The following SYNE1 variants were observed in gnomAD, a reference collection of about 807,000 sequenced individuals.
The protein encoded by SYNE1 is spectrin repeat containing nuclear envelope protein 1, also known as nesprin-1.
Under a neutral mutation model 1,111.0 loss-of-function variants are expected in SYNE1, and 616 were observed. That is an observed-to-expected ratio of 0.55 (90% CI 0.52 to 0.59). The LOEUF (loss-of-function observed/expected upper bound fraction) is 0.59. SYNE1 is among the 20% of genes least tolerant of loss of function. The pLI, the probability that SYNE1 is intolerant of heterozygous loss-of-function variation, is 0.00. For synonymous variants in SYNE1, 3,855 were observed against 3,825.8 expected, an observed-to-expected ratio of 1.01 and a Z score of -0.28; for missense variants, 10,006 against 10,417.0, an observed-to-expected ratio of 0.96 and a Z score of 1.72.
In SYNE1 at chr6:152,387,140, C is replaced by T. The variant is rs1395844338; in HGVS notation, c.8419G>A (p.Glu2807Lys). 2 of 1,614,190 alleles carry T rather than the reference C, an allele frequency of 1.2e-6. No individual in the cohort carries two copies. The highest frequency in any genetic ancestry group is 1.7e-6 in the Non-Finnish European group (2 of 1,180,020). Residue 2807 changes from glutamate to lysine, a missense_variant, in exon 54 of 146, where the codon GAG (glutamate) becomes AAG (lysine). Transcript: ENST00000367255. ...SRELYEKTED[E>K]SFKDTAQEEL... ...TCTTGAGCTGTGTCCTTGAAAGACTCATCCTCTGTCTTTTCGTAGAGCTCC... is the reference window on the plus strand; with the variant it reads ...TCTTGAGCTGTGTCCTTGAAAGACTTATCCTCTGTCTTTTCGTAGAGCTCC...
intron 115 of SYNE1, among the ~76,000 whole-genome samples, chr6:152,228,683 C>T (rs1040427654): frequency 2.6e-5 from 4 of 152,146 alleles, no homozygotes; most frequent in African/African-American, 4.8e-5. Flanking sequence ...AATTCTAATA[C>T]GCAGAATTAC....
chr6:152,246,191 G>A (rs2087082330), intron 105 of SYNE1, among the ~76,000 whole-genome samples: 1 of 152,144 alleles, frequency 6.6e-6, no homozygotes. Context: ...TTCCCTTTCA[G>A]CTGTTTAGTC....
chr6:152,436,745 A>G (rs1025724372), intron 32 of SYNE1, among the ~76,000 whole-genome samples: 15 of 152,314 alleles, frequency 9.8e-5, no homozygotes, highest in African/African-American at 3.6e-4. Context: ...TTTATTCACA[A>G]ATATGCTTAC....
At chr6:152,283,822 A>G (rs1745493770) in intron 96 of SYNE1, among the ~76,000 whole-genome samples, 156 bp downstream of exon 96, 1 of 151,842 alleles carries the variant, frequency 6.6e-6, no homozygotes, top group African/African-American at 2.4e-5. Context: ...GGTGTGAACC[A>G]CCCCTCCCGG....
At chr6:152,162,591 C>A (rs1370078070) in intron 131 of SYNE1, among the ~76,000 whole-genome samples, 1 of 152,144 alleles carries the variant, frequency 6.6e-6, no homozygotes, top group Non-Finnish European at 1.5e-5. Flanking sequence ...CAACCAGGAT[C>A]CCTACAATTC....
In SYNE1 at chr6:152,409,652, T is replaced by A. The variant is rs2154170171; in HGVS notation, c.6288A>T (p.Ser2096=). The A allele has an allele frequency of 6.2e-7, 1 of 1,613,912 alleles. No homozygotes were observed. The part of the protein sequence containing the change: ...DLMREYQNLK[S]AVSKVLENAS... ...CATTTTCTAAGACTTTAGATACAGC[T>A]GATTTCAGGTTCTGATATTCTCTCA... Residue 2096 remains serine (S), a synonymous_variant, in exon 43 of 146, where the codon TCA becomes TCT. Transcript: ENST00000367255.
At chr6:152,486,236 T>A (rs572135933) in intron 12 of SYNE1, among the ~76,000 whole-genome samples, 43 of 150,866 alleles carry the variant, frequency 2.9e-4, no homozygotes, top group South Asian at 4.2e-4. Context: ...AAAATAAATT[T>A]AAAAAAAAAC....
At chr6:152,558,931 T>C (rs1191111118) in intron 3 of SYNE1, among the ~76,000 whole-genome samples, 1 of 151,994 alleles carries the variant, frequency 6.6e-6, no homozygotes, top group Non-Finnish European at 1.5e-5. Context: ...GGATAGATAA[T>C]ATATTAATAT....
chr6:152,522,121 C>T (rs1336711421), intron 5 of SYNE1, among the ~76,000 whole-genome samples: 1 of 151,758 alleles, frequency 6.6e-6, no homozygotes, highest in African/African-American at 2.4e-5. Flanking sequence ...ATTGGTTTTT[C>T]GTTACATGAA....
At chr6:152,414,868 T>C (rs1296490418) in intron 41 of SYNE1, among the ~76,000 whole-genome samples, 1 of 152,148 alleles carries the variant, frequency 6.6e-6, no homozygotes, top group African/African-American at 2.4e-5. Flanking sequence ...CTGGAGGCTA[T>C]TTTTTCTTCC....
intron 5 of SYNE1, among the ~76,000 whole-genome samples, chr6:152,525,703 G>A (rs189045663): frequency 6.6e-5 from 10 of 152,166 alleles, no homozygotes; most frequent in Admixed American, 5.9e-4. Context: ...ACACAGATAT[G>A]GACCAACATT....
intron 77 of SYNE1, among the ~76,000 whole-genome samples, chr6:152,332,641 G>T (rs1347153462): frequency 6.6e-6 from 1 of 152,054 alleles, no homozygotes; most frequent in Non-Finnish European, 1.5e-5. Context: ...TTGTGAAGAG[G>T]GTCCAACAAA....
chr6:152,176,418 T>A lies in SYNE1; in HGVS notation c.23603A>T (p.His7868Leu), dbSNP rs199704890. 6.2e-7 allele frequency: 1 copy of A among 1,614,194 alleles called. No homozygotes were observed. The highest frequency in any genetic ancestry group is 8.5e-7 in the Non-Finnish European group (1 of 1,180,008). Residue 7868 changes from histidine to leucine, a missense_variant, in exon 130 of 146, where the codon CAT becomes CTT. By Grantham distance (99) the His-to-Leu change is moderately conservative (BLOSUM62 -3). This residue lies in a region of SYNE1 where 2,182 missense variants were observed against 2,287.8 expected (regional missense o/e 0.95). Transcript: ENST00000367255. ...CCTGGCTGCAATGAGGTCCAGGAGA[T>A]GCTGCCACCGGTCGTTGACCTTTCC... Reference protein sequence around the residue: ...KLGKVNDRWQHLLDLIAARVK... With the variant: ...KLGKVNDRWQLLLDLIAARVK...
At position 152,135,318 on chromosome 6, in the gene SYNE1, A is replaced by G. The variant is rs2056805126; in HGVS notation, c.25660-86T>C. The G allele has an allele frequency of 3.4e-6, 5 of 1,470,966 alleles. No homozygotes were observed. The African/African-American group carries it at 7.0e-5, about 21-fold the overall frequency. The allele number at this position is 1,470,966 out of a possible 1,614,324, so 91.1% of individuals were successfully genotyped here. A position where few individuals can be genotyped will look rare whatever the true frequency, so the allele number is the denominator to read the frequency against. ...ATGTCTTTCAACTGCCACCATTAGC[A>G]AACATACTTGGTTTTAAGAACATAC... On this transcript the variant is annotated intron_variant, in intron 141 of 145. Coordinates refer to ENST00000367255, the MANE Select transcript of SYNE1 (RefSeq NM_182961.4).
In SYNE1 at chr6:152,447,531, T is replaced by G; in HGVS notation, c.3596A>C (p.Glu1199Ala). Residue 1199 changes from glutamate (E) to alanine (A), a missense_variant, in exon 29 of 146, where the codon GAA (glutamate) becomes GCA (alanine). Transcript: ENST00000367255. ...KVLTEVSSEN[E>A]AQKQGDELAK... Reference sequence around the variant, plus strand: ...CAGCTCATCTCCCTGCTTTTGGGCTTCATTCTCAGAAGAAACTTCTGTCAA... The same window carrying G: ...CAGCTCATCTCCCTGCTTTTGGGCTGCATTCTCAGAAGAAACTTCTGTCAA... 6.2e-7 allele frequency: 1 copy of G among 1,614,218 alleles called. No homozygotes were observed. The highest frequency in any genetic ancestry group is 8.5e-7 in the Non-Finnish European group (1 of 1,180,042).
At chr6:152,319,389 A>G (rs2095816731) in intron 84 of SYNE1, among the ~76,000 whole-genome samples, 1 of 152,230 alleles carries the variant, frequency 6.6e-6, no homozygotes, top group African/African-American at 2.4e-5. Context: ...TCTTCATAAG[A>G]TGGAAAATCC....
intron 95 of SYNE1, 120 bp from the exon 96 acceptor site, chr6:152,284,292 A>T (rs1716704650): frequency 4.7e-6 from 5 of 1,057,032 alleles, no homozygotes; most frequent in Non-Finnish European, 7.1e-6. Flanking sequence ...GGGAATCATT[A>T]ATCAATCAAC....
chr6:152,519,617 A>G (rs2099129243), intron 6 of SYNE1, among the ~76,000 whole-genome samples: 1 of 152,224 alleles, frequency 6.6e-6, no homozygotes, highest in African/African-American at 2.4e-5. Flanking sequence ...ATTAATAAAT[A>G]TAGAAGGAAT....
chr6:152,629,360 A>T (rs1420454745), intron 2 of SYNE1, among the ~76,000 whole-genome samples: 1 of 151,820 alleles, frequency 6.6e-6, no homozygotes, highest in Non-Finnish European at 1.5e-5. Flanking sequence ...GTATACCACC[A>T]CGCCTGGCTA....
Sources: gnomAD v4.1 joint callset for allele counts (sites outside exome capture counted in the v4.1 genomes callset) on GRCh38, gnomAD v4.1.1 for gene constraint, gnomAD v4.1.1 regional missense constraint, MANE v1.5 for transcripts, NCBI Gene and HGNC (gene_info 2026-07-23, HGNC 2026-07-21) for gene names.